The following SIX5 variants were observed in gnomAD, a reference collection of about 807,000 sequenced individuals.
The protein encoded by SIX5 is SIX homeobox 5, also known as homeobox protein SIX5.
Under a neutral mutation model 37.1 loss-of-function variants are expected in SIX5, and 21 were observed. The ratio of observed to expected loss-of-function variants is 0.57; its 90% CI spans 0.40 to 0.81. The LOEUF is 0.81. Among genes scored for constraint, SIX5 ranks in the 40% least tolerant of loss-of-function variants. The pLI, the probability that SIX5 is intolerant of heterozygous loss-of-function variation, is 0.00. For missense variants in SIX5, 1,137 were observed against 1,025.1 expected, an observed-to-expected ratio of 1.11 and a Z score of -1.49; for synonymous variants, 626 against 505.9, an observed-to-expected ratio of 1.24 and a Z score of -3.19.
rs772660491 is a variant in SIX5 at position 45,767,113 on chromosome 19, T to G, written c.846A>C (p.Arg282=). Reference sequence around the variant, plus strand: ...CCCCTCTCTCCAGGTCCTCAGGACTTCGGCTGGACTCGTCCTCAGTCGTGG... The same window carrying G: ...CCCCTCTCTCCAGGTCCTCAGGACTGCGGCTGGACTCGTCCTCAGTCGTGG... ...GNPTTEDESS[R]SPEDLERGAA... The change falls in exon 2 of 3, where the codon CGA becomes CGC. Residue 282 remains arginine (R), a synonymous_variant. Transcript: ENST00000317578. 11 of 1,612,172 alleles carry G rather than the reference T, an allele frequency of 6.8e-6. No individual in the cohort carries two copies. The highest frequency in any genetic ancestry group is 1.7e-4 in the Middle Eastern group (1 of 6,020).
rs138916954 is a variant in SIX5, at chr19:45,765,948, C to G, written c.1773G>C (p.Thr591=). Residue 591 remains threonine, a synonymous_variant, in exon 3 of 3, where the codon ACG becomes ACC. Transcript: ENST00000317578. ...PGLALPLKPE[T]AISVPEGGLP... ...GGCCTCCCTCAGGCACGGAGATGGC[C>G]GTCTCTGGCTTCAGTGGCAGGGCCA... The G allele has an allele frequency of 3.9e-5, 62 of 1,595,922 alleles. No homozygotes were observed. The highest frequency in any genetic ancestry group is 5.0e-5 in the Non-Finnish European group (58 of 1,170,900).
Position 45,766,035 on chromosome 19 carries a change from G to A in SIX5, c.1686C>T (p.Ile562=), listed in dbSNP as rs770199466. Residue 562 remains isoleucine (I), a synonymous_variant, in exon 3 of 3, where the codon ATC becomes ATT. Coordinates refer to ENST00000317578, the MANE Select transcript of SIX5 (RefSeq NM_175875.5). The part of the protein sequence containing the change: ...TGVALQQGKI[I]LTATFPTSML... ...TGCTGGTGGGGAAGGTGGCGGTGAG[G>A]ATGATCTTGCCCTGCTGCAGGGCCA... is the stretch of plus-strand genomic sequence containing the variant. The A allele has an allele frequency of 6.2e-7, 1 of 1,611,700 alleles. No homozygotes were observed. The highest frequency in any genetic ancestry group is 8.5e-7 in the Non-Finnish European group (1 of 1,179,178).
rs992806635 is a variant in SIX5 at position 45,766,751 on chromosome 19, G to A, written c.1208C>T (p.Pro403Leu). ...AGCCACCTGGGCCCCTTTGGTCTCA[G>A]GGGCCTCCGACTGAGCCTCCTCCAG... The part of the protein sequence containing the change: ...VRLEEAQSEA[P>L]ETKGAQVAAP... Residue 403 changes from proline (P) to leucine (L), a missense_variant, in exon 2 of 3, where the codon CCT (proline) becomes CTT (leucine). Pro to Leu is a moderately conservative substitution (Grantham distance 98). This residue lies in a region of SIX5 where 787 missense variants were observed against 621.4 expected (regional missense o/e 1.27). Transcript: ENST00000317578. 4 of 1,579,988 alleles carry A rather than the reference G, an allele frequency of 2.5e-6. No homozygotes were observed. In the African/African-American group the frequency reaches 4.1e-5, roughly 16 times the overall value.
chr19:45,767,091 C>G lies in SIX5; in HGVS notation c.868G>C (p.Gly290Arg). ...GCCTCGGCGGACACTGGGGCCGCCCCTCTCTCCAGGTCCTCAGGACTTCGG... is the reference window on the plus strand; with the variant it reads ...GCCTCGGCGGACACTGGGGCCGCCCGTCTCTCCAGGTCCTCAGGACTTCGG... ...SSRSPEDLER[G>R]AAPVSAEAAA... Residue 290 changes from glycine (G) to arginine (R), a missense_variant, in exon 2 of 3, where the codon GGG becomes CGG. Physicochemically the swap from Gly to Arg is moderately radical, Grantham distance 125. This residue lies in a region of SIX5 where 787 missense variants were observed against 621.4 expected (regional missense o/e 1.27). Transcript: ENST00000317578. 6.2e-7 allele frequency: 1 copy of G among 1,610,460 alleles called. No homozygotes were observed. Among genetic ancestry groups the G allele is most frequent in the African/African-American group, 1.3e-5 (1 of 75,004 alleles).
rs537216351 is a variant in SIX5, at chr19:45,767,271, G to C, written c.804-116C>G. On this transcript the variant is annotated intron_variant, in intron 1 of 2. Coordinates refer to ENST00000317578, the MANE Select transcript of SIX5 (RefSeq NM_175875.5). ...CAAGTTTCGGTGGATCATTCCAGGG[G>C]TTATGACGCCTCTCTGAGACCACTC... 1.8e-4 allele frequency: 195 copies of C among 1,081,774 alleles called. 2 individuals carry two copies. In the African/African-American group the frequency reaches 2.9e-3, roughly 16 times the overall value. 67.0% of individuals were successfully genotyped at this position (1,081,774 alleles called of 1,614,324 possible).
rs1969045634 is a variant in SIX5 at position 45,765,298 on chromosome 19, C to A, written c.*203G>T. ...GGGGAGGGCTGTAACAGAGAGGCCT[C>A]CCATCCAAAGGGGGATGGAGACCTG... On this transcript the variant is annotated 3_prime_UTR_variant, in exon 3 of 3. Transcript: ENST00000317578. The A allele has an allele frequency of 4.1e-6, 3 of 724,800 alleles. No individual in the cohort carries two copies. Among genetic ancestry groups the A allele is most frequent in the Non-Finnish European group, 7.2e-6 (3 of 414,382 alleles). 44.9% of individuals were successfully genotyped at this position (724,800 alleles called of 1,614,324 possible). A position where few individuals can be genotyped will look rare whatever the true frequency, so the allele number is the denominator to read the frequency against.
rs1250173529 is a variant in SIX5 at position 45,768,501 on chromosome 19, G to T, written c.344C>A (p.Pro115His). 52 of 1,494,924 alleles carry T rather than the reference G, an allele frequency of 3.5e-5. No homozygotes were observed. Among genetic ancestry groups the T allele is most frequent in the Non-Finnish European group, 4.4e-5 (50 of 1,130,122 alleles). The allele number at this position is 1,494,924 out of a possible 1,614,324, so 92.6% of individuals were successfully genotyped here. A position where few individuals can be genotyped will look rare whatever the true frequency, so the allele number is the denominator to read the frequency against. The change falls in exon 1 of 3, where the codon CCC becomes CAC. Residue 115 changes from proline to histidine, a missense_variant. This residue lies in a region of SIX5 where 331 missense variants were observed against 360.9 expected (regional missense o/e 0.92). Transcript: ENST00000317578. The part of the protein sequence containing the change: ...GRLSRFLGAL[P>H]PAERLRGSDP... ...GCTGCCACGTAGGCGCTCGGCCGGGGGCAGTGCGCCCAGGAAGCGGCTCAA... is the reference window on the plus strand; with the variant it reads ...GCTGCCACGTAGGCGCTCGGCCGGGTGCAGTGCGCCCAGGAAGCGGCTCAA...
chr19:45,767,946 T>C (rs1600399666), intron 1 of SIX5, 96 bp downstream of exon 1: 1 of 1,308,270 alleles, frequency 7.6e-7, no homozygotes, highest in Non-Finnish European at 1.0e-6. Flanking sequence ...TCCGAGGACC[T>C]CGGCGCGCCG....
Position 45,766,802 on chromosome 19 carries a change from A to G in SIX5, c.1157T>C (p.Leu386Pro). 1 of 1,566,342 alleles carries G rather than the reference A, an allele frequency of 6.4e-7. No individual in the cohort carries two copies. The highest frequency in any genetic ancestry group is 8.6e-7 in the Non-Finnish European group (1 of 1,159,068). The change falls in exon 2 of 3, where the codon CTG becomes CCG. Residue 386 changes from leucine to proline, a missense_variant. Around this residue, in one of 3 missense-constraint regions of SIX5, gnomAD observed 787 missense variants for 621.4 expected, o/e 1.27. Transcript: ENST00000317578. ...CCGCACCTCCCCTGTCTGAGGGTCC[A>G]GGACCAGAGAGGTCTTGGTCTCGCT... ...GASETKTSLV[L>P]DPQTGEVRLE...
In SIX5 at chr19:45,766,400, TTGA is replaced by T. The variant is rs1337336029; in HGVS notation, c.1556_1558del (p.Ile519del). 1 of 1,587,274 alleles carries T rather than the reference TTGA, an allele frequency of 6.3e-7. No homozygotes were observed. Among genetic ancestry groups the T allele is most frequent in the Non-Finnish European group, 8.6e-7 (1 of 1,168,196 alleles). On this transcript the variant is annotated inframe_deletion, in exon 2 of 3. Transcript: ENST00000317578. Reference sequence around the variant, plus strand: ...CAGGGCAGTCACGCCCACCCCGGAGTTGATGAGGTGCACATTGGCAGGGCCTGC... The same window carrying T: ...CAGGGCAGTCACGCCCACCCCGGAGTTGAGGTGCACATTGGCAGGGCCTGC...
chr19:45,767,923 G>A (rs1969114714), intron 1 of SIX5, 119 bp downstream of exon 1: 2 of 1,112,352 alleles, frequency 1.8e-6, no homozygotes, highest in Non-Finnish European at 2.5e-6. Flanking sequence ...TTGTGAGCTG[G>A]TCCCGGGAGA....
At position 45,768,068 on chromosome 19, in the gene SIX5, C is replaced by T; in HGVS notation, c.777G>A (p.Gly259=). ...FKNRRQRDRT[G]AGGGAPCKSE... is the part of the protein sequence containing the mutation. ...TCTTGCAGGGCGCGCCGCCTCCGGC[C>T]CCGGTCCGGTCGCGCTGTCGCCGGT... The change falls in exon 1 of 3, where the codon GGG becomes GGA. Residue 259 remains glycine (G), a synonymous_variant. Coordinates refer to ENST00000317578, the MANE Select transcript of SIX5 (RefSeq NM_175875.5). The T allele has an allele frequency of 2.5e-6, 4 of 1,598,732 alleles. No individual in the cohort carries two copies. Among genetic ancestry groups the T allele is most frequent in the Non-Finnish European group, 3.4e-6 (4 of 1,178,146 alleles).
At position 45,765,949 on chromosome 19, in the gene SIX5, G is replaced by C. The variant is rs756784960; in HGVS notation, c.1772C>G (p.Thr591Arg). The stretch of plus-strand genomic sequence containing the variant: ...GCCTCCCTCAGGCACGGAGATGGCC[G>C]TCTCTGGCTTCAGTGGCAGGGCCAG... ...PGLALPLKPE[T>R]AISVPEGGLP... Residue 591 changes from threonine (T) to arginine (R), a missense_variant, in exon 3 of 3, where the codon ACG becomes AGG. Coordinates refer to ENST00000317578, the MANE Select transcript of SIX5 (RefSeq NM_175875.5). 7 of 1,596,716 alleles carry C rather than the reference G, an allele frequency of 4.4e-6. No homozygotes were observed. Among genetic ancestry groups the C allele is most frequent in the Non-Finnish European group, 6.0e-6 (7 of 1,171,314 alleles).
chr19:45,766,465 T>C lies in SIX5; in HGVS notation c.1494A>G (p.Ala498=), dbSNP rs755015539. The change falls in exon 2 of 3, where the codon GCA becomes GCG. Residue 498 remains alanine, a synonymous_variant. Coordinates refer to ENST00000317578, the MANE Select transcript of SIX5 (RefSeq NM_175875.5). ...PQAVGPLQLL[A]AGPGSPVKVA... Reference sequence around the variant, plus strand: ...CCTTCACAGGGCTGCCTGGCCCGGCTGCCAACAGCTGCAGGGGCCCCACAG... The same window carrying C: ...CCTTCACAGGGCTGCCTGGCCCGGCCGCCAACAGCTGCAGGGGCCCCACAG... 1.4e-5 allele frequency: 22 copies of C among 1,531,258 alleles called. No individual in the cohort carries two copies. The highest frequency in any genetic ancestry group is 1.2e-4 in the Admixed American group (6 of 49,950). 94.9% of individuals were successfully genotyped at this position (1,531,258 alleles called of 1,614,324 possible). A position where few individuals can be genotyped will look rare whatever the true frequency, so the allele number is the denominator to read the frequency against.
In SIX5 at chr19:45,769,246, C is replaced by T. The variant is rs1246037856; in HGVS notation, c.-402G>A. 4 of 184,582 alleles carry T rather than the reference C, an allele frequency of 2.2e-5. No homozygotes were observed. Among genetic ancestry groups the T allele is most frequent in the African/African-American group, 4.7e-5 (2 of 42,608 alleles). 11.4% of individuals were successfully genotyped at this position (184,582 alleles called of 1,614,324 possible). On this transcript the variant is annotated 5_prime_UTR_variant, in exon 1 of 3. Coordinates refer to ENST00000317578, the MANE Select transcript of SIX5 (RefSeq NM_175875.5). Reference sequence around the variant, plus strand: ...TTCTGCACGCCTCCGTCTCCAGGGTCCTCTGCAGGCCCCCACATTCCCCAT... The same window carrying T: ...TTCTGCACGCCTCCGTCTCCAGGGTTCTCTGCAGGCCCCCACATTCCCCAT...
At position 45,767,083 on chromosome 19, in the gene SIX5, G is replaced by A. The variant is rs1212021602; in HGVS notation, c.876C>T (p.Ala292=). ...GGGCAGCGGCCTCGGCGGACACTGGGGCCGCCCCTCTCTCCAGGTCCTCAG... is the reference window on the plus strand; with the variant it reads ...GGGCAGCGGCCTCGGCGGACACTGGAGCCGCCCCTCTCTCCAGGTCCTCAG... ...RSPEDLERGA[A]PVSAEAAAQG... The change falls in exon 2 of 3, where the codon GCC becomes GCT. Residue 292 remains alanine, a synonymous_variant. Coordinates refer to ENST00000317578, the MANE Select transcript of SIX5 (RefSeq NM_175875.5). 1 of 1,609,868 alleles carries A rather than the reference G, an allele frequency of 6.2e-7. No homozygotes were observed. The highest frequency in any genetic ancestry group is 2.2e-5 in the East Asian group (1 of 44,822).
chr19:45,769,187 C>A lies in SIX5; in HGVS notation c.-343G>T. 3.6e-6 allele frequency: 1 copy of A among 276,504 alleles called. No individual in the cohort carries two copies. Among genetic ancestry groups the A allele is most frequent in the East Asian group, 7.0e-5 (1 of 14,192 alleles). The allele number at this position is 276,504 out of a possible 1,614,324, so 17.1% of individuals were successfully genotyped here. ...GAAGGTAACGGGCCGTCCAGGAGGACTAAGGGCGCGAAGCCTCCGCCCCGA... is the reference window on the plus strand; with the variant it reads ...GAAGGTAACGGGCCGTCCAGGAGGAATAAGGGCGCGAAGCCTCCGCCCCGA... On this transcript the variant is annotated 5_prime_UTR_variant, in exon 1 of 3. Transcript: ENST00000317578.
Position 45,765,296 on chromosome 19 carries a change from C to T in SIX5, c.*205G>A. Reference sequence around the variant, plus strand: ...ATGGGGAGGGCTGTAACAGAGAGGCCTCCCATCCAAAGGGGGATGGAGACC... The same window carrying T: ...ATGGGGAGGGCTGTAACAGAGAGGCTTCCCATCCAAAGGGGGATGGAGACC... On this transcript the variant is annotated 3_prime_UTR_variant, in exon 3 of 3. Transcript: ENST00000317578. 3 of 718,738 alleles carry T rather than the reference C, an allele frequency of 4.2e-6. No homozygotes were observed. Among genetic ancestry groups the T allele is most frequent in the Non-Finnish European group, 7.3e-6 (3 of 410,042 alleles). The allele number at this position is 718,738 out of a possible 1,614,324, so 44.5% of individuals were successfully genotyped here. A position where few individuals can be genotyped will look rare whatever the true frequency, so the allele number is the denominator to read the frequency against.
chr19:45,768,128 G>T lies in SIX5; in HGVS notation c.717C>A (p.Gly239=). 1 of 1,609,536 alleles carries T rather than the reference G, an allele frequency of 6.2e-7. No individual in the cohort carries two copies. ...DEKRRLATLT[G]LSLTQVSNWF... is the part of the protein sequence containing the mutation. ...AGTTGCTGACCTGCGTGAGCGACAG[G>T]CCGGTGAGTGTGGCCAGGCGGCGCT... Residue 239 remains glycine (G), a synonymous_variant, in exon 1 of 3, where the codon GGC becomes GGA. Coordinates refer to ENST00000317578, the MANE Select transcript of SIX5 (RefSeq NM_175875.5).
Sources: allele counts gnomAD v4.1 joint callset, GRCh38; gene constraint gnomAD v4.1.1; regional missense constraint gnomAD v4.1.1; transcripts MANE v1.5; gene names NCBI Gene and HGNC (gene_info 2026-07-23, HGNC 2026-07-21).